RFWD3: variants seen among roughly 807,000 people sequenced by gnomAD.
RFWD3 encodes the protein E3 ubiquitin-protein ligase RFWD3.
Under a neutral mutation model 87.7 loss-of-function variants are expected in RFWD3, and 65 were observed. That is an observed-to-expected ratio of 0.74 (90% CI 0.61 to 0.91). The LOEUF (loss-of-function observed/expected upper bound fraction) is 0.91. Among genes scored for constraint, RFWD3 ranks in the 40% least tolerant of loss-of-function variants. RFWD3 has a pLI of 0.00. For synonymous variants in RFWD3, 433 were observed against 352.8 expected (o/e 1.23, Z -2.55); for missense variants, 1,078 against 938.5 (o/e 1.15, Z -1.94).
intron 4 of RFWD3, among the ~76,000 whole-genome samples, chr16:74,645,745 C>CTTTTT (rs71376293): frequency 7.0e-4 from 52 of 74,194 alleles, no homozygotes; most frequent in Non-Finnish European, 8.4e-4. Context: ...CAAATATTTT[C>CTTTTT]TTTTTTTTTT....
intron 3 of RFWD3, 44 bp downstream of exon 3, chr16:74,651,876 A>G: frequency 6.4e-7 from 1 of 1,558,312 alleles, no homozygotes; most frequent in East Asian, 2.2e-5. Flanking sequence ...TTTAAGCTTC[A>G]TGGATGTTAG....
rs772922451 is a variant in RFWD3, at chr16:74,661,171, G to A, written c.279C>T (p.Asn93=). 1.8e-5 allele frequency: 29 copies of A among 1,614,068 alleles called. No homozygotes were observed. Among genetic ancestry groups the A allele is most frequent in the Admixed American group, 3.3e-5 (2 of 60,012 alleles). The change falls in exon 2 of 13, where the codon AAC becomes AAT. Residue 93 remains asparagine, a synonymous_variant. Transcript: ENST00000361070. The part of the protein sequence containing the change: ...VEVLGEDTVE[N]INPRTSEQHR... ...GTTGTTCTGAAGTTCTTGGATTGAT[G>A]TTCTCCACAGTGTCTTCTCCCAAGA... is the stretch of plus-strand genomic sequence containing the variant.
At chr16:74,647,308 C>T (rs889537191) in intron 4 of RFWD3, among the ~76,000 whole-genome samples, 1 of 151,214 alleles carries the variant, frequency 6.6e-6, no homozygotes, top group Non-Finnish European at 1.5e-5. Flanking sequence ...TTTTTTTTGA[C>T]ATGGAGTCTT....
chr16:74,662,493 AT>A (rs1445322799), intron 1 of RFWD3, among the ~76,000 whole-genome samples: 1 of 152,216 alleles, frequency 6.6e-6, no homozygotes, highest in East Asian at 1.9e-4. Flanking sequence ...CATGAAAAAA[AT>A]TATAGATTAT....
Position 74,628,675 on chromosome 16 carries a change from A to C in RFWD3, c.1755-9T>G. 6.2e-7 allele frequency: 1 copy of C among 1,613,718 alleles called. No homozygotes were observed. Among genetic ancestry groups the C allele is most frequent in the Non-Finnish European group, 8.5e-7 (1 of 1,179,784 alleles). On this transcript the variant is annotated splice_polypyrimidine_tract_variant and intron_variant, in intron 10 of 12. Coordinates refer to ENST00000361070, the MANE Select transcript of RFWD3 (RefSeq NM_018124.4). ...GGGAGACCAGTGGGCATCTGAAAGG[A>C]AAGTAAGGAAACTGTATCTCACACT...
intron 8 of RFWD3, among the ~76,000 whole-genome samples, chr16:74,633,033 T>C (rs957796855): frequency 2.6e-5 from 4 of 151,890 alleles, no homozygotes; most frequent in Non-Finnish European, 4.4e-5. Flanking sequence ...TCCCAGCACT[T>C]TGGGAGGCCG....
chr16:74,657,981 T>TA (rs564315306), intron 2 of RFWD3, among the ~76,000 whole-genome samples: 6 of 152,082 alleles, frequency 3.9e-5, no homozygotes, highest in Admixed American at 6.6e-5. Context: ...GATAGACGAT[T>TA]AAAAAAAATC....
rs1255519236 is a variant in RFWD3 at position 74,622,801 on chromosome 16, G to C, written c.*1127C>G. ...GAAATACAAACTGAGCCCTAGAAAA[G>C]GTTAGGGAGGCAAATCAAAGGAAAC... On this transcript the variant is annotated 3_prime_UTR_variant, in exon 13 of 13. Transcript: ENST00000361070. 1 of 152,160 alleles carries C rather than the reference G, an allele frequency of 6.6e-6. No homozygotes were observed. The highest frequency in any genetic ancestry group is 2.4e-5 in the African/African-American group (1 of 41,424). The allele number at this position is 152,160 out of a possible 1,614,324, so 9.4% of individuals were successfully genotyped here.
chr16:74,660,035 G>A (rs1961300519), intron 2 of RFWD3, among the ~76,000 whole-genome samples: 1 of 151,092 alleles, frequency 6.6e-6, no homozygotes, highest in Non-Finnish European at 1.5e-5. Context: ...AGCCTGGGGA[G>A]CACAGTGAGA....
At chr16:74,663,281 A>G (rs555289669) in intron 1 of RFWD3, among the ~76,000 whole-genome samples, 1 of 152,362 alleles carries the variant, frequency 6.6e-6, no homozygotes, top group Admixed American at 6.5e-5. Flanking sequence ...GCTGAAGACT[A>G]AAGTCAGAGA....
At chr16:74,660,746 G>A in intron 2 of RFWD3, 186 bp downstream of exon 2, 2 of 621,056 alleles carry the variant, frequency 3.2e-6, no homozygotes, top group South Asian at 2.1e-5. Context: ...AGGCACAACA[G>A]TTTAACTTAT....
Position 74,627,323 on chromosome 16 carries a change from G to C in RFWD3, c.1970-769C>G, listed in dbSNP as rs546872234. 1.5e-3 allele frequency among the ~76,000 whole-genome samples: 221 copies of C among 152,252 alleles called. No homozygotes were observed. In the South Asian group the frequency reaches 0.015, roughly 10 times the overall value. ...AGCATAAATTATTTGAAACCCAGATGTACCCTGTCAACTTTGGCCTAGTTA... is the reference window on the plus strand; with the variant it reads ...AGCATAAATTATTTGAAACCCAGATCTACCCTGTCAACTTTGGCCTAGTTA... On this transcript the variant is annotated intron_variant, in intron 11 of 12. Coordinates refer to ENST00000361070, the MANE Select transcript of RFWD3 (RefSeq NM_018124.4).
At chr16:74,631,049 C>A in intron 9 of RFWD3, 92 bp from the exon 10 acceptor site, 1 of 1,196,074 alleles carries the variant, frequency 8.4e-7, no homozygotes. Context: ...ATCATTAATC[C>A]TTACTGAGAA....
At position 74,666,845 on chromosome 16, in the gene RFWD3, G is replaced by GCCGAAGACTCGGTAGTTACCTCTCC. The variant is rs56890104; in HGVS notation, c.-63_-62insGGAGAGGTAACTACCGAGTCTTCGG. ...CCGCCGAAGACTCGGTAGTTACCTC[G>GCCGAAGACTCGGTAGTTACCTCTCC]GCCGCACTCCGAATGCACCTACGCC... On this transcript the variant is annotated 5_prime_UTR_variant, in exon 1 of 13. Coordinates refer to ENST00000361070, the MANE Select transcript of RFWD3 (RefSeq NM_018124.4). The GCCGAAGACTCGGTAGTTACCTCTCC allele has an allele frequency of 6.6e-6, 1 of 150,860 alleles. No individual in the cohort carries two copies. Among genetic ancestry groups the GCCGAAGACTCGGTAGTTACCTCTCC allele is most frequent in the African/African-American group, 2.4e-5 (1 of 41,052 alleles). The allele number at this position is 150,860 out of a possible 1,614,324, so 9.3% of individuals were successfully genotyped here. A position where few individuals can be genotyped will look rare whatever the true frequency, so the allele number is the denominator to read the frequency against.
intron 4 of RFWD3, among the ~76,000 whole-genome samples, 200 bp from the exon 5 acceptor site, chr16:74,644,935 A>C (rs537335639): frequency 6.6e-6 from 1 of 152,240 alleles, no homozygotes; most frequent in South Asian, 2.1e-4. Flanking sequence ...AAACTATACT[A>C]CTCTTAAATC....
At chr16:74,629,883 A>C (rs1338388044) in intron 10 of RFWD3, among the ~76,000 whole-genome samples, 3 of 152,164 alleles carry the variant, frequency 2.0e-5, no homozygotes, top group Admixed American at 6.5e-5. Flanking sequence ...AGGGCAGCTC[A>C]ACACATTCTA....
rs866766911 is a variant in RFWD3 at position 74,640,487 on chromosome 16, G to T, written c.1080-2517C>A. On this transcript the variant is annotated intron_variant, in intron 6 of 12. Coordinates refer to ENST00000361070, the MANE Select transcript of RFWD3 (RefSeq NM_018124.4). Reference sequence around the variant, plus strand: ...AGAAGTAGCAATGAAAATTTGTACAGAAAAATATACTATTTAGTAAATTAT... The same window carrying T: ...AGAAGTAGCAATGAAAATTTGTACATAAAAATATACTATTTAGTAAATTAT... 5.9e-5 allele frequency among the ~76,000 whole-genome samples: 9 copies of T among 151,962 alleles called. No individual in the cohort carries two copies. In the South Asian group the frequency reaches 1.9e-3, roughly 32 times the overall value.
intron 1 of RFWD3, chr16:74,666,570 C>G (rs1442771466): frequency 6.6e-6 from 1 of 152,254 alleles, no homozygotes; most frequent in Non-Finnish European, 1.5e-5. Flanking sequence ...GCCCCCACGC[C>G]CAGCAACCCA....
At chr16:74,627,264 T>C (rs1958965819) in intron 11 of RFWD3, among the ~76,000 whole-genome samples, 2 of 152,248 alleles carry the variant, frequency 1.3e-5, no homozygotes, top group South Asian at 2.1e-4. Flanking sequence ...ATGTGTTTAA[T>C]ACAGTTGTTA....
Sources: gnomAD v4.1 joint callset for allele counts (sites outside exome capture counted in the v4.1 genomes callset) on GRCh38, gnomAD v4.1.1 for gene constraint, MANE v1.5 for transcripts, NCBI Gene and HGNC (gene_info 2026-07-23, HGNC 2026-07-21) for gene names.